Variants in NF1 observed in about 807,000 individuals in gnomAD.
The protein encoded by NF1 is neurofibromin.
NF1 carries 122 observed loss-of-function variants against 325.7 expected under a neutral mutation model. That is an observed-to-expected ratio of 0.37 (90% CI 0.32 to 0.44). The LOEUF is 0.44. NF1 is among the 20% of genes least tolerant of loss of function. The pLI, the probability that NF1 is intolerant of heterozygous loss-of-function variation, is 1.00. For missense variants in NF1, 2,140 were observed against 3,415.4 expected, an observed-to-expected ratio of 0.63 and a Z score of 9.31; for synonymous variants, 1,091 against 1,186.0, an observed-to-expected ratio of 0.92 and a Z score of 1.65.
rs1383206827 is a variant in NF1 at position 31,345,715 on chromosome 17, A to C, written c.7189+2580A>C. Reference sequence around the variant, plus strand: ...ATAGAGAAAAGTCTTTTGGTTCCAGACCATGTGATCACACGCCTAATGATG... The same window carrying C: ...ATAGAGAAAAGTCTTTTGGTTCCAGCCCATGTGATCACACGCCTAATGATG... On this transcript the variant is annotated intron_variant, in intron 48 of 57. Transcript: ENST00000358273. The C allele has an allele frequency of 5.0e-6, 8 of 1,613,822 alleles. No homozygotes were observed. The Admixed American group carries it at 8.3e-5, about 17-fold the overall frequency.
chr17:31,336,606 TTA>T lies in NF1; in HGVS notation c.6148-28_6148-27del. 1 of 1,457,036 alleles carries T rather than the reference TTA, an allele frequency of 6.9e-7. No homozygotes were observed. Among genetic ancestry groups the T allele is most frequent in the Non-Finnish European group, 9.2e-7 (1 of 1,082,864 alleles). The allele number at this position is 1,457,036 out of a possible 1,614,324, so 90.3% of individuals were successfully genotyped here. A position where few individuals can be genotyped will look rare whatever the true frequency, so the allele number is the denominator to read the frequency against. On this transcript the variant is annotated intron_variant, in intron 41 of 57. Transcript: ENST00000358273. The surrounding 1 kb of genome is among the most constrained non-coding windows in gnomAD (Gnocchi z 5.5). ...AACTTTGAGTCCCATGTTTTTTTTT[TTA>T]AAAAAAAAAATCCTGCTTCTTTACA... is the stretch of plus-strand genomic sequence containing the variant.
At chr17:31,305,016 G>GT (rs765136869) in intron 36 of NF1, 6 of 1,614,038 alleles carry the variant, frequency 3.7e-6, no homozygotes, top group Admixed American at 1.7e-5. Flanking sequence ...AATTATAATT[G>GT]TTTTTTTGTG....
intron 37 of NF1, among the ~76,000 whole-genome samples, 179 bp downstream of exon 37, chr17:31,326,431 T>C (rs2069343858): frequency 6.6e-6 from 1 of 152,088 alleles, no homozygotes; most frequent in South Asian, 2.1e-4. Context: ...GCAGATCACG[T>C]GAGGTCAGGA....
chr17:31,252,120 C>CTTTTTTTTTTT (rs1193012915), intron 30 of NF1: 1 of 139,592 alleles, frequency 7.2e-6, no homozygotes, highest in African/African-American at 3.0e-5. Context: ...TTTTAGGTGG[C>CTTTTTTTTTTT]TTTTTTTTTT....
chr17:31,318,111 G>A (rs1158708975), intron 36 of NF1: 1 of 592,702 alleles, frequency 1.7e-6, no homozygotes, highest in African/African-American at 1.9e-5. Flanking sequence ...AAAATATTCA[G>A]TGTCAAAACA....
chr17:31,301,188 CT>C (rs2068566574), intron 36 of NF1, among the ~76,000 whole-genome samples: 1 of 151,916 alleles, frequency 6.6e-6, no homozygotes, highest in Non-Finnish European at 1.5e-5. Flanking sequence ...TTTGATTTCC[CT>C]TTTTATTGCC....
chr17:31,100,427 T>C (rs1390690297), intron 1 of NF1, among the ~76,000 whole-genome samples: 2 of 152,154 alleles, frequency 1.3e-5, no homozygotes, highest in Admixed American at 6.5e-5. Context: ...GAGTACTCTT[T>C]TATGGTGACG....
At chr17:31,224,804 T>C (rs1234238346) in intron 16 of NF1, among the ~76,000 whole-genome samples, 1 of 152,194 alleles carries the variant, frequency 6.6e-6, no homozygotes, top group East Asian at 1.9e-4. Context: ...TTTCATACAG[T>C]AGATTTATAT....
At chr17:31,367,975 A>G (rs957715595) in intron 57 of NF1, among the ~76,000 whole-genome samples, 3 of 151,986 alleles carry the variant, frequency 2.0e-5, no homozygotes, top group African/African-American at 4.8e-5. Flanking sequence ...AAAAAAATAT[A>G]TGGTCATTAG....
chr17:31,371,875 T>G (rs867054682), intron 57 of NF1, among the ~76,000 whole-genome samples: 1 of 152,304 alleles, frequency 6.6e-6, no homozygotes, highest in South Asian at 2.1e-4. Context: ...CAAATCTCTG[T>G]TGAGCACGTG....
rs71142032 is a variant in NF1, at chr17:31,181,801, ATTTTT to A, written c.730+28_730+32del. The A allele has an allele frequency of 3.3e-6, 4 of 1,218,548 alleles. No individual in the cohort carries two copies. Among genetic ancestry groups the A allele is most frequent in the Non-Finnish European group, 3.5e-6 (3 of 853,082 alleles). 75.5% of individuals were successfully genotyped at this position (1,218,548 alleles called of 1,614,324 possible). ...GATATGGCTGGTAAGGATACGATTG[ATTTTT>A]TTTTTTTTTTTGTCTTTTAAATGCC... is the stretch of plus-strand genomic sequence containing the variant. On this transcript the variant is annotated intron_variant, in intron 7 of 57. Transcript: ENST00000358273.
intron 27 of NF1, among the ~76,000 whole-genome samples, chr17:31,234,750 T>C (rs1156509274): frequency 6.6e-6 from 1 of 151,740 alleles, no homozygotes; most frequent in East Asian, 1.9e-4. Context: ...TAAATGACTT[T>C]GAGAAGGAAT....
intron 11 of NF1, 82 bp from the exon 12 acceptor site, chr17:31,206,158 C>CTT: frequency 5.9e-6 from 9 of 1,527,124 alleles, no homozygotes; most frequent in Non-Finnish European, 8.2e-6. Context: ...AAGGATAAAA[C>CTT]TTAAAACTAC....
In NF1 at chr17:31,160,487, A is replaced by G. The variant is rs187777054; in HGVS notation, c.288+1394A>G. Among the ~76,000 whole-genome samples the G allele has an allele frequency of 3.9e-5, 6 of 152,314 alleles. No individual in the cohort carries two copies. In the East Asian group the frequency reaches 7.7e-4, roughly 20 times the overall value. ...TTCTACTTAAAATCGAAGGTGAGCT[A>G]GTTGTTTTAGCATGGTATTTTCCGT... On this transcript the variant is annotated intron_variant, in intron 3 of 57. Coordinates refer to ENST00000358273, the MANE Select transcript of NF1 (RefSeq NM_001042492.3).
At chr17:31,112,605 C>G (rs1235807066) in intron 1 of NF1, among the ~76,000 whole-genome samples, 2 of 152,068 alleles carry the variant, frequency 1.3e-5, no homozygotes, top group Non-Finnish European at 2.9e-5. Flanking sequence ...CTGTTTATCT[C>G]TTTTGCCCAT....
intron 1 of NF1, among the ~76,000 whole-genome samples, chr17:31,123,962 C>T (rs1026648804): frequency 6.6e-6 from 1 of 151,724 alleles, no homozygotes; most frequent in Non-Finnish European, 1.5e-5. Context: ...TTATATTTTT[C>T]TTTTGGGGGG....
rs145545638 is a variant in NF1 at position 31,275,745 on chromosome 17, G to A, written c.4835+10406G>A. Among the ~76,000 whole-genome samples, 1,164 of 152,144 alleles carry A rather than the reference G, an allele frequency of 7.7e-3. 19 individuals are homozygous for A. Among genetic ancestry groups the A allele is most frequent in the African/African-American group, 0.027 (1,120 of 41,482 alleles). On this transcript the variant is annotated intron_variant, in intron 36 of 57. Transcript: ENST00000358273. ...ATACGATCCTTCCCTAATTCTTCAC[G>A]TCAGAATCAGTCATTTTAGTACTTT...
intron 13 of NF1, among the ~76,000 whole-genome samples, chr17:31,215,862 A>G (rs982445727): frequency 9.2e-5 from 14 of 152,324 alleles, no homozygotes; most frequent in South Asian, 4.1e-4. Flanking sequence ...CTACATGCCT[A>G]TGATTCCAAG....
At chr17:31,211,257 A>AT (rs1020155561) in intron 12 of NF1, among the ~76,000 whole-genome samples, 6 of 152,102 alleles carry the variant, frequency 3.9e-5, no homozygotes, top group Admixed American at 1.3e-4. Context: ...GAATGAATGA[A>AT]TTTTTTTCTT....
Sources: allele counts gnomAD v4.1 joint callset (sites outside exome capture counted in the v4.1 genomes callset), GRCh38; gene constraint gnomAD v4.1.1; non-coding constraint Gnocchi (gnomAD v3.1); transcripts MANE v1.5; gene names NCBI Gene and HGNC (gene_info 2026-07-23, HGNC 2026-07-21).